The following PPP2R3B variants were observed in gnomAD, a reference collection of about 807,000 sequenced individuals.
The protein encoded by PPP2R3B is protein phosphatase 2 regulatory subunit B''beta, also known as serine/threonine-protein phosphatase 2A regulatory subunit B'' subunit beta.
Under a neutral mutation model 72.9 loss-of-function variants are expected in PPP2R3B, and 68 were observed. The observed-to-expected ratio is 0.93, with a 90% CI of 0.77 to 1.14. The LOEUF (loss-of-function observed/expected upper bound fraction) is 1.14. PPP2R3B is among the 50% of genes most tolerant of loss of function. The pLI, the probability that PPP2R3B is intolerant of heterozygous loss-of-function variation, is 0.00. For synonymous variants in PPP2R3B, 466 were observed against 375.8 expected (o/e 1.24, Z -2.78); for missense variants, 1,018 against 842.0 (o/e 1.21, Z -2.59).
intron 1 of PPP2R3B, among the ~76,000 whole-genome samples, chrX:371,365 C>T (rs2071859402): frequency 1.3e-5 from 2 of 152,150 alleles, no homozygotes; most frequent in Non-Finnish European, 2.9e-5. Flanking sequence ...TTCCCAAGGC[C>T]GGCGGTCGCT....
At chrX:385,203 C>T (rs1255341061) in intron 1 of PPP2R3B, among the ~76,000 whole-genome samples, 3 of 151,826 alleles carry the variant, frequency 2.0e-5, no homozygotes, top group African/African-American at 7.3e-5. Flanking sequence ...TCAGGACACC[C>T]TTGGTGAATA....
intron 1 of PPP2R3B, among the ~76,000 whole-genome samples, chrX:385,105 C>T (rs1238425746): frequency 6.6e-6 from 1 of 151,480 alleles, no homozygotes; most frequent in Non-Finnish European, 1.5e-5. Flanking sequence ...ACCTAGGGGG[C>T]CTAACCATAA....
At chrX:371,745 C>T (rs1226817287) in intron 1 of PPP2R3B, among the ~76,000 whole-genome samples, 1 of 152,024 alleles carries the variant, frequency 6.6e-6, no homozygotes, top group Non-Finnish European at 1.5e-5. Context: ...GTGGGGTGGA[C>T]CCAACAGACA....
chrX:351,958 G>A (rs180856573), intron 2 of PPP2R3B, among the ~76,000 whole-genome samples: 1 of 152,172 alleles, frequency 6.6e-6, no homozygotes, highest in Non-Finnish European at 1.5e-5. Context: ...GCCTCTCAAA[G>A]TGCTGGGACT....
intron 1 of PPP2R3B, among the ~76,000 whole-genome samples, chrX:370,160 A>C (rs1448641140): frequency 2.0e-5 from 3 of 152,198 alleles, no homozygotes; most frequent in Non-Finnish European, 4.4e-5. Flanking sequence ...AGAGGAGCCG[A>C]ACACGGAGAT....
At chrX:347,768 G>C (rs1298515728) in intron 2 of PPP2R3B, 75 bp from the exon 3 acceptor site, 68 of 1,109,016 alleles carry the variant, frequency 6.1e-5, no homozygotes, top group Non-Finnish European at 8.0e-5. Flanking sequence ...CCTCGCGCCT[G>C]ACCGACGCCG....
In PPP2R3B at chrX:379,198, CGT is replaced by C. The variant is rs757763572; in HGVS notation, c.324+7168_324+7169del. 9.0e-3 allele frequency among the ~76,000 whole-genome samples: 1,203 copies of C among 133,126 alleles called. 18 individuals are homozygous for C. Among genetic ancestry groups the C allele is most frequent in the African/African-American group, 0.031 (1,088 of 34,854 alleles). The allele number at this position is 133,126 out of a possible 152,430, so 87.3% of individuals were successfully genotyped here. Reference sequence around the variant, plus strand: ...GTATGGACCTATGTATGTGTGTATGCGTGTGTATGCACCTGTGTATGCACCTG... The same window carrying C: ...GTATGGACCTATGTATGTGTGTATGCGTGTATGCACCTGTGTATGCACCTG... On this transcript the variant is annotated intron_variant, in intron 1 of 12. Coordinates refer to ENST00000390665, the MANE Select transcript of PPP2R3B (RefSeq NM_013239.5).
chrX:347,763 C>T lies in PPP2R3B; in HGVS notation c.511-70G>A, dbSNP rs1230972400. 70 of 1,213,794 alleles carry T rather than the reference C, an allele frequency of 5.8e-5. 1 individual carries two copies. In the Admixed American group the frequency reaches 7.9e-4, roughly 14 times the overall value. The allele number at this position is 1,213,794 out of a possible 1,614,324, so 75.2% of individuals were successfully genotyped here. On this transcript the variant is annotated intron_variant, in intron 2 of 12. Transcript: ENST00000390665. ...GCCGGCGCTCCTGCTGCGTACCTCG[C>T]GCCTGACCGACGCCGCCCAGAGACC... is the stretch of plus-strand genomic sequence containing the variant.
At chrX:337,218 C>G (rs1233494396) in intron 12 of PPP2R3B, 1 of 152,132 alleles carries the variant, frequency 6.6e-6, no homozygotes, top group Non-Finnish European at 1.5e-5. Context: ...GTAGCTGGGA[C>G]TACAGGCGCC....
chrX:377,708 T>C (rs766679953), intron 1 of PPP2R3B, among the ~76,000 whole-genome samples: 1 of 139,714 alleles, frequency 7.2e-6, no homozygotes. Flanking sequence ...TACACTACTG[T>C]GTACAGGGAC....
intron 2 of PPP2R3B, among the ~76,000 whole-genome samples, chrX:352,583 C>G (rs2071353863): frequency 1.1e-5 from 1 of 89,892 alleles, no homozygotes; most frequent in Admixed American, 1.3e-4. Flanking sequence ...CTGCTGAACC[C>G]TATTCCATTA....
At position 386,502 on chromosome X, in the gene PPP2R3B, C is replaced by A; in HGVS notation, c.190G>T (p.Ala64Ser). ...TCGAGCCCGCTGGGCCGGGGGGCGG[C>A]GAGCGGGGCTGTGGGCCAGGCCCCG... ...QPGAWPTAPL[A>S]APRPSGLEPP... The change falls in exon 1 of 13, where the codon GCC becomes TCC. Residue 64 changes from alanine (A) to serine (S), a missense_variant. Coordinates refer to ENST00000390665, the MANE Select transcript of PPP2R3B (RefSeq NM_013239.5). 1 of 1,296,282 alleles carries A rather than the reference C, an allele frequency of 7.7e-7. No individual in the cohort carries two copies. Among genetic ancestry groups the A allele is most frequent in the Non-Finnish European group, 9.8e-7 (1 of 1,022,232 alleles). The allele number at this position is 1,296,282 out of a possible 1,614,324, so 80.3% of individuals were successfully genotyped here. A position where few individuals can be genotyped will look rare whatever the true frequency, so the allele number is the denominator to read the frequency against.
chrX:341,423 C>A (rs367904799), intron 8 of PPP2R3B, 27 bp from the exon 9 acceptor site: 2 of 1,607,850 alleles, frequency 1.2e-6, no homozygotes, highest in African/African-American at 1.3e-5. Context: ...GATGGAGAGA[C>A]GAAGATGCAT....
Position 386,556 on chromosome X carries a change from G to C in PPP2R3B, c.136C>G (p.Gln46Glu), listed in dbSNP as rs1248660291. Residue 46 changes from glutamine (Q) to glutamate (E), a missense_variant, in exon 1 of 13, where the codon CAG becomes GAG. Gln to Glu is a conservative substitution (Grantham distance 29). Transcript: ENST00000390665. ...LRRIKAPGRD[Q>E]PTPGDGEQPG... ...TGCTCCCCGTCCCCCGGGGTCGGCT[G>C]GTCCCGCCCGGGCGCCTTGATCCGG... 1 of 1,436,288 alleles carries C rather than the reference G, an allele frequency of 7.0e-7. No individual in the cohort carries two copies. The highest frequency in any genetic ancestry group is 3.1e-5 in the East Asian group (1 of 31,840). The allele number at this position is 1,436,288 out of a possible 1,614,324, so 89.0% of individuals were successfully genotyped here.
At chrX:347,162 C>CGTGAGGG (rs1432305091) in intron 4 of PPP2R3B, 72 bp downstream of exon 4, 2 of 82,184 alleles carry the variant, frequency 2.4e-5, no homozygotes, top group East Asian at 1.1e-3. Flanking sequence ...CCGGCCCTCC[C>CGTGAGGG]ATGAGGCATG....
At chrX:355,349 G>T (rs2071414368) in intron 2 of PPP2R3B, among the ~76,000 whole-genome samples, 1 of 152,218 alleles carries the variant, frequency 6.6e-6, no homozygotes, top group African/African-American at 2.4e-5. Flanking sequence ...AGTGAAAGAT[G>T]CCTGAAATAA....
intron 7 of PPP2R3B, chrX:344,906 C>G: frequency 2.9e-6 from 1 of 345,328 alleles, no homozygotes; most frequent in South Asian, 2.2e-5. Context: ...CGGAAACAGT[C>G]TTGGTCATAT....
chrX:356,178 G>T (rs2071430229), intron 2 of PPP2R3B, among the ~76,000 whole-genome samples: 1 of 152,196 alleles, frequency 6.6e-6, no homozygotes, highest in Non-Finnish European at 1.5e-5. Flanking sequence ...GCCTGGAAAT[G>T]CGTCACTCAG....
At chrX:346,092 G>A (rs1255024860) in intron 6 of PPP2R3B, 82 bp downstream of exon 6, 2 of 672,248 alleles carry the variant, frequency 3.0e-6, no homozygotes, top group Admixed American at 2.6e-5. Context: ...GAGGAGGGAG[G>A]GGGGAGGAGG....
Sources: gnomAD v4.1 joint callset for allele counts (sites outside exome capture counted in the v4.1 genomes callset) on GRCh38, gnomAD v4.1.1 for gene constraint, MANE v1.5 for transcripts, NCBI Gene and HGNC (gene_info 2026-07-23, HGNC 2026-07-21) for gene names.